Variants in ST6GALNAC3 observed in about 807,000 individuals in gnomAD.
ST6GALNAC3 encodes alpha-N-acetylgalactosaminide alpha-2,6-sialyltransferase 3.
ST6GALNAC3 carries 25 observed loss-of-function variants against 32.7 expected under a neutral mutation model. That is an observed-to-expected ratio of 0.76 (90% CI 0.56 to 1.07). The LOEUF (loss-of-function observed/expected upper bound fraction) is 1.07, where lower values mean the gene tolerates loss of function less well. Among genes scored for constraint, ST6GALNAC3 ranks in the 50% least tolerant of loss-of-function variants. ST6GALNAC3 has a pLI of 0.00. For missense variants in ST6GALNAC3, 355 were observed against 382.4 expected (o/e 0.93, Z 0.60); for synonymous variants, 129 against 133.1 (o/e 0.97, Z 0.21).
chr1:76,122,347 G>A (rs1226209623), intron 1 of ST6GALNAC3, among the ~76,000 whole-genome samples: 1 of 152,168 alleles, frequency 6.6e-6, no homozygotes, highest in African/African-American at 2.4e-5. Flanking sequence ...TGTAATATCA[G>A]CGAAGTGTTT....
At chr1:76,257,355 G>A (rs138169321) in intron 1 of ST6GALNAC3, among the ~76,000 whole-genome samples, 5 of 152,244 alleles carry the variant, frequency 3.3e-5, no homozygotes, top group East Asian at 1.9e-4. Context: ...AAGCCTGCAT[G>A]TGCGTCAGAA....
At chr1:76,149,691 A>C (rs558310480) in intron 1 of ST6GALNAC3, among the ~76,000 whole-genome samples, 2 of 152,166 alleles carry the variant, frequency 1.3e-5, no homozygotes, top group East Asian at 3.9e-4. Flanking sequence ...GTGTATTTTT[A>C]TCACATTGTG....
intron 3 of ST6GALNAC3, among the ~76,000 whole-genome samples, chr1:76,496,791 T>C (rs967107342): frequency 6.6e-6 from 1 of 152,156 alleles, no homozygotes; most frequent in African/African-American, 2.4e-5. Context: ...AGGAGGCCCA[T>C]CAAACAAATG....
intron 1 of ST6GALNAC3, among the ~76,000 whole-genome samples, chr1:76,202,033 C>G (rs1654547726): frequency 6.6e-6 from 1 of 152,200 alleles, no homozygotes; most frequent in East Asian, 1.9e-4. Flanking sequence ...TGACTCAGCA[C>G]TCCTGAGTAA....
At chr1:76,195,110 T>C (rs940256517) in intron 1 of ST6GALNAC3, among the ~76,000 whole-genome samples, 6 of 152,222 alleles carry the variant, frequency 3.9e-5, no homozygotes, top group African/African-American at 1.2e-4. Context: ...ATGGCAGATG[T>C]GAGTTTTACA....
At chr1:76,618,758 A>G (rs1648453073) in intron 3 of ST6GALNAC3, among the ~76,000 whole-genome samples, 1 of 152,104 alleles carries the variant, frequency 6.6e-6, no homozygotes, top group Non-Finnish European at 1.5e-5. Context: ...AGAGGAATAT[A>G]AGAAATGGGA....
intron 1 of ST6GALNAC3, among the ~76,000 whole-genome samples, chr1:76,118,682 A>C (rs561661191): frequency 5.3e-5 from 8 of 152,350 alleles, no homozygotes; most frequent in Non-Finnish European, 1.0e-4. Context: ...GACTTTTACA[A>C]ACCCCCAAAC....
chr1:76,341,681 CCTTCT>C (rs1164323740), intron 2 of ST6GALNAC3, among the ~76,000 whole-genome samples: 28 of 137,402 alleles, frequency 2.0e-4, no homozygotes, highest in East Asian at 1.5e-3. Context: ...TTCTTTCTTT[CCTTCT>C]TTCTTTCTTT....
intron 3 of ST6GALNAC3, among the ~76,000 whole-genome samples, chr1:76,550,334 A>G (rs1664546818): frequency 6.6e-6 from 1 of 152,216 alleles, no homozygotes; most frequent in South Asian, 2.1e-4. Context: ...AATCATTGTT[A>G]TATAATATAA....
At chr1:76,416,763 G>T (rs1654663529) in intron 3 of ST6GALNAC3, among the ~76,000 whole-genome samples, 1 of 151,664 alleles carries the variant, frequency 6.6e-6, no homozygotes, top group Non-Finnish European at 1.5e-5. Context: ...GAGTAGCTGG[G>T]ACTACAGGCA....
In ST6GALNAC3 at chr1:76,331,458, C is replaced by G. The variant is rs563980056; in HGVS notation, c.213+17459C>G. Among the ~76,000 whole-genome samples, 6 of 152,256 alleles carry G rather than the reference C, an allele frequency of 3.9e-5. 1 individual carries two copies. In the South Asian group the frequency reaches 8.3e-4, roughly 21 times the overall value. On this transcript the variant is annotated intron_variant, in intron 2 of 4. Transcript: ENST00000328299. ...CTATCTAAGTAATGATTGAATAGAA[C>G]CTTTGCTCCACCTTTCCTGCTTAAA...
At chr1:76,077,528 A>C (rs1263184241) in intron 1 of ST6GALNAC3, among the ~76,000 whole-genome samples, 3 of 152,218 alleles carry the variant, frequency 2.0e-5, no homozygotes, top group Non-Finnish European at 4.4e-5. Context: ...ATTTTAATAG[A>C]GAAGGATAAA....
chr1:76,390,099 G>T (rs1194671357), intron 2 of ST6GALNAC3, among the ~76,000 whole-genome samples: 3 of 151,952 alleles, frequency 2.0e-5, no homozygotes, highest in Non-Finnish European at 4.4e-5. Flanking sequence ...ATTTCCCCAT[G>T]CTCATTTAGT....
At chr1:76,525,446 A>T (rs1662804560) in intron 3 of ST6GALNAC3, among the ~76,000 whole-genome samples, 1 of 152,062 alleles carries the variant, frequency 6.6e-6, no homozygotes, top group Non-Finnish European at 1.5e-5. Context: ...CTTGGCCACT[A>T]GAAAGAAATT....
intron 1 of ST6GALNAC3, among the ~76,000 whole-genome samples, chr1:76,141,985 G>C (rs2100284309): frequency 6.6e-6 from 1 of 152,330 alleles, no homozygotes; most frequent in East Asian, 1.9e-4. Context: ...TAAGGCTTCA[G>C]ATGAAAAGGG....
chr1:76,414,404 G>A (rs557108142), intron 3 of ST6GALNAC3, among the ~76,000 whole-genome samples: 18 of 152,000 alleles, frequency 1.2e-4, no homozygotes, highest in Admixed American at 6.6e-4. Context: ...GACAGAATGG[G>A]TGATTTAAGT....
chr1:76,156,142 G>A (rs1467191124), intron 1 of ST6GALNAC3, among the ~76,000 whole-genome samples: 1 of 152,098 alleles, frequency 6.6e-6, no homozygotes, highest in African/African-American at 2.4e-5. Context: ...ATGGGTTTTT[G>A]AGAGGAAGAA....
chr1:76,507,560 G>A (rs1436086), intron 3 of ST6GALNAC3, among the ~76,000 whole-genome samples: 10 of 152,220 alleles, frequency 6.6e-5, no homozygotes, highest in Admixed American at 2.0e-4. Flanking sequence ...TGTGAGTGAC[G>A]TAATGTTTTC....
intron 1 of ST6GALNAC3, among the ~76,000 whole-genome samples, chr1:76,265,710 G>C (rs995600296): frequency 1.3e-5 from 2 of 152,154 alleles, no homozygotes; most frequent in Admixed American, 6.5e-5. Flanking sequence ...AATAAGGAAA[G>C]TAATACTTGC....
Sources: allele counts gnomAD v4.1 joint callset (sites outside exome capture counted in the v4.1 genomes callset), GRCh38; gene constraint gnomAD v4.1.1; transcripts MANE v1.5; gene names NCBI Gene and HGNC (gene_info 2026-07-23, HGNC 2026-07-21).